The following NTM variants were observed in gnomAD, a reference collection of about 807,000 sequenced individuals.
The protein encoded by NTM is IgLON family member 2.
A neutral mutation model predicts 42.1 loss-of-function variants in NTM; 13 were observed. The ratio of observed to expected loss-of-function variants is 0.31; its 90% CI spans 0.20 to 0.49. The LOEUF (loss-of-function observed/expected upper bound fraction) is 0.49, where lower values mean the gene tolerates loss of function less well. Ranked by LOEUF, NTM falls within the 20% of genes least tolerant of loss-of-function variation. The pLI, the probability that NTM is intolerant of heterozygous loss-of-function variation, is 0.99. For synonymous variants in NTM, 187 were observed against 179.2 expected, an observed-to-expected ratio of 1.04 and a Z score of -0.35; for missense variants, 373 against 452.8, an observed-to-expected ratio of 0.82 and a Z score of 1.60.
intron 2 of NTM, among the ~76,000 whole-genome samples, chr11:131,987,712 C>T (rs543915149): frequency 6.2e-4 from 94 of 152,254 alleles, no homozygotes; most frequent in Non-Finnish European, 1.3e-3. Context: ...TTCACTTAGG[C>T]TTCTATCAAA....
chr11:131,800,175 A>T (rs1470455917), intron 1 of NTM, among the ~76,000 whole-genome samples: 2 of 152,240 alleles, frequency 1.3e-5, no homozygotes, highest in South Asian at 2.1e-4. Flanking sequence ...CAGATTTTCA[A>T]ACATGAAGGG....
At chr11:131,948,058 G>C (rs977686266) in intron 2 of NTM, among the ~76,000 whole-genome samples, 2 of 152,094 alleles carry the variant, frequency 1.3e-5, no homozygotes, top group Non-Finnish European at 2.9e-5. Flanking sequence ...GCAAGTTATT[G>C]TAATAGAAAT....
chr11:131,761,910 CTG>C, intron 1 of NTM, among the ~76,000 whole-genome samples: 1 of 151,400 alleles, frequency 6.6e-6, no homozygotes, highest in East Asian at 2.0e-4. Flanking sequence ...TCTCCTCTCT[CTG>C]TCTCTCTCTT....
intron 4 of NTM, among the ~76,000 whole-genome samples, chr11:132,261,144 C>T (rs1486329053): frequency 6.6e-6 from 1 of 152,194 alleles, no homozygotes; most frequent in Non-Finnish European, 1.5e-5. Context: ...TGTCTTCTTC[C>T]TTATCTGTAG....
At chr11:132,218,261 C>G (rs2138798556) in intron 4 of NTM, among the ~76,000 whole-genome samples, 1 of 152,260 alleles carries the variant, frequency 6.6e-6, no homozygotes, top group East Asian at 1.9e-4. Context: ...CCACCCAACA[C>G]CAAAGGACTG....
chr11:131,521,241 G>T (rs1220770414), intron 1 of NTM, among the ~76,000 whole-genome samples: 5 of 151,128 alleles, frequency 3.3e-5, no homozygotes, highest in African/African-American at 1.2e-4. Flanking sequence ...CTTGGACCCG[G>T]GAAGTGGAGG....
intron 1 of NTM, among the ~76,000 whole-genome samples, chr11:131,881,956 T>C (rs969574488): frequency 1.3e-5 from 2 of 152,178 alleles, no homozygotes; most frequent in African/African-American, 2.4e-5. Flanking sequence ...TAGAGAACAA[T>C]GTCACACAAC....
intron 1 of NTM, among the ~76,000 whole-genome samples, chr11:131,375,995 TG>T (rs1003514917): frequency 6.6e-6 from 1 of 152,202 alleles, no homozygotes; most frequent in African/African-American, 2.4e-5. Flanking sequence ...TCCCTTTTTC[TG>T]TTTTCCTTTC....
chr11:131,512,253 C>A (rs1327240913), intron 1 of NTM, among the ~76,000 whole-genome samples: 1 of 152,200 alleles, frequency 6.6e-6, no homozygotes, highest in African/African-American at 2.4e-5. Context: ...ACGGAAAAAT[C>A]ATTTTTGAGT....
chr11:132,230,848 C>G (rs1306113241), intron 4 of NTM, among the ~76,000 whole-genome samples: 1 of 152,114 alleles, frequency 6.6e-6, no homozygotes, highest in Admixed American at 6.6e-5. Context: ...ATAATGAGAC[C>G]CCCATCTCTA....
intron 2 of NTM, among the ~76,000 whole-genome samples, chr11:132,065,931 C>G (rs561312138): frequency 1.3e-5 from 2 of 152,304 alleles, no homozygotes; most frequent in South Asian, 4.1e-4. Context: ...TGCTATACAG[C>G]CTTTCTTTGT....
intron 1 of NTM, among the ~76,000 whole-genome samples, chr11:131,685,079 T>A (rs916795459): frequency 1.3e-5 from 2 of 152,080 alleles, no homozygotes; most frequent in Non-Finnish European, 2.9e-5. Context: ...TAAGTTGGAG[T>A]GAATTTTTAA....
chr11:132,069,363 C>A (rs1432666778), intron 2 of NTM, among the ~76,000 whole-genome samples: 2 of 142,936 alleles, frequency 1.4e-5, no homozygotes, highest in Non-Finnish European at 3.0e-5. Flanking sequence ...TCACACTGAC[C>A]ATCACAGGTT....
At chr11:131,829,748 A>G (rs531455585) in intron 1 of NTM, among the ~76,000 whole-genome samples, 1 of 152,244 alleles carries the variant, frequency 6.6e-6, no homozygotes, top group Admixed American at 6.5e-5. Flanking sequence ...TTCTTTCAGA[A>G]ATCTCCAAAC....
Position 131,517,349 on chromosome 11 carries a change from C to G in NTM, c.82+146461C>G, listed in dbSNP as rs147288192. On this transcript the variant is annotated intron_variant, in intron 1 of 8. Coordinates refer to ENST00000683400, the MANE Select transcript of NTM (RefSeq NM_001352005.2). Reference sequence around the variant, plus strand: ...ACTGAGGACCACAGACTCAGAAACTCCCTTTCCTTTTTACTGTCACCTCCA... The same window carrying G: ...ACTGAGGACCACAGACTCAGAAACTGCCTTTCCTTTTTACTGTCACCTCCA... Among the ~76,000 whole-genome samples, 94 of 152,300 alleles carry G rather than the reference C, an allele frequency of 6.2e-4. 1 individual carries two copies. The East Asian group carries it at 0.016, about 26-fold the overall frequency.
chr11:131,774,679 G>T (rs2086678970), intron 1 of NTM, among the ~76,000 whole-genome samples: 1 of 152,170 alleles, frequency 6.6e-6, no homozygotes, highest in African/African-American at 2.4e-5. Flanking sequence ...GCCATTAAGG[G>T]ATGCCCTCAG....
chr11:132,001,151 C>T (rs956350728), intron 2 of NTM, among the ~76,000 whole-genome samples: 4 of 152,248 alleles, frequency 2.6e-5, no homozygotes, highest in South Asian at 4.2e-4. Context: ...AGAAAAAAAG[C>T]GGCATTGTAT....
At chr11:131,915,382 C>T (rs1385689075) in intron 2 of NTM, among the ~76,000 whole-genome samples, 1 of 152,204 alleles carries the variant, frequency 6.6e-6, no homozygotes. Context: ...TTCCCTTGGG[C>T]TGCAGAGCAC....
intron 1 of NTM, among the ~76,000 whole-genome samples, chr11:131,707,118 T>TA (rs1310093370): frequency 6.6e-6 from 1 of 152,032 alleles, no homozygotes; most frequent in East Asian, 1.9e-4. Context: ...CCTGTTGAAC[T>TA]AAAACTTTGA....
Sources: gnomAD v4.1 joint callset for allele counts (sites outside exome capture counted in the v4.1 genomes callset) on GRCh38, gnomAD v4.1.1 for gene constraint, MANE v1.5 for transcripts, NCBI Gene and HGNC (gene_info 2026-07-23, HGNC 2026-07-21) for gene names.